Variants in MIPOL1 observed in about 807,000 individuals in gnomAD.
The protein encoded by MIPOL1 is mirror-image polydactyly 1.
In MIPOL1, 57 loss-of-function variants were observed where a neutral mutation model predicts 60.9. The ratio of observed to expected loss-of-function variants is 0.94; its 90% CI spans 0.76 to 1.17. The LOEUF (loss-of-function observed/expected upper bound fraction) is 1.17, where lower values mean the gene tolerates loss of function less well. MIPOL1 is among the 50% of genes most tolerant of loss of function. The probability of loss-of-function intolerance (pLI) is 0.00; values close to 1 mark genes in which losing one functional copy is unlikely to be tolerated. For synonymous variants in MIPOL1, 179 were observed against 168.8 expected (o/e 1.06, Z -0.47); for missense variants, 551 against 511.6 (o/e 1.08, Z -0.74).
At chr14:37,474,016 A>G (rs1025453210) in intron 11 of MIPOL1, among the ~76,000 whole-genome samples, 1 of 152,164 alleles carries the variant, frequency 6.6e-6, no homozygotes, top group Non-Finnish European at 1.5e-5. Context: ...TTGGAATCAC[A>G]CAGTATGTAG....
At position 37,500,021 on chromosome 14, in the gene MIPOL1, A is replaced by C; in HGVS notation, c.1145A>C (p.Gln382Pro). 6.2e-7 allele frequency: 1 copy of C among 1,614,016 alleles called. No individual in the cohort carries two copies. Among genetic ancestry groups the C allele is most frequent in the Non-Finnish European group, 8.5e-7 (1 of 1,179,892 alleles). Reference protein sequence around the residue: ...NRENIVSITQQQNEELATQLQ... With the variant: ...NRENIVSITQPQNEELATQLQ... ...GAGAACATTGTTTCCATCACTCAAC[A>C]ACAAAATGAGGAACTGGCTACTCAA... The change falls in exon 12 of 13, where the codon CAA becomes CCA. Residue 382 changes from glutamine to proline, a missense_variant. By Grantham distance (76) the Gln-to-Pro change is moderately conservative (BLOSUM62 -1). Coordinates refer to ENST00000684589, the MANE Select transcript of MIPOL1 (RefSeq NM_001388067.1).
intron 1 of MIPOL1, among the ~76,000 whole-genome samples, chr14:37,214,157 TAGAC>T (rs1277356783): frequency 6.6e-6 from 1 of 152,172 alleles, no homozygotes. Context: ...CTTGTAATAG[TAGAC>T]AGAAAACCAC....
intron 7 of MIPOL1, among the ~76,000 whole-genome samples, chr14:37,306,835 A>C (rs1225232334): frequency 2.6e-5 from 4 of 151,826 alleles, no homozygotes; most frequent in African/African-American, 9.7e-5. Flanking sequence ...TATTTTGAAG[A>C]AAAAAAGATA....
chr14:37,538,299 C>G (rs1358302788), intron 12 of MIPOL1, among the ~76,000 whole-genome samples: 2 of 152,162 alleles, frequency 1.3e-5, no homozygotes, highest in East Asian at 3.9e-4. Flanking sequence ...AATGATTGCA[C>G]AGTTCTGAGA....
intron 11 of MIPOL1, among the ~76,000 whole-genome samples, chr14:37,470,776 A>C (rs1425959512): frequency 1.3e-5 from 2 of 152,162 alleles, no homozygotes; most frequent in Admixed American, 6.5e-5. Context: ...GAAGCCCCCA[A>C]AGAAGACTGA....
At position 37,548,951 on chromosome 14, in the gene MIPOL1, A is replaced by G. The variant is rs1282948521; in HGVS notation, c.*1980A>G. The G allele has an allele frequency of 2.0e-5, 3 of 152,020 alleles. No individual in the cohort carries two copies. The highest frequency in any genetic ancestry group is 2.9e-5 in the Non-Finnish European group (2 of 67,848). 9.4% of individuals were successfully genotyped at this position (152,020 alleles called of 1,614,324 possible). On this transcript the variant is annotated 3_prime_UTR_variant, in exon 13 of 13. Coordinates refer to ENST00000684589, the MANE Select transcript of MIPOL1 (RefSeq NM_001388067.1). ...ATTCTAACATCCACTATTGTTCAGT[A>G]TAGGTAATCTCCCAAAAATATCACA...
chr14:37,541,879 C>A (rs933476043), intron 12 of MIPOL1, among the ~76,000 whole-genome samples: 3 of 152,208 alleles, frequency 2.0e-5, no homozygotes, highest in Admixed American at 6.5e-5. Flanking sequence ...TTTCCTTCCT[C>A]CCTTATACCT....
chr14:37,432,972 G>C (rs1396981237), intron 11 of MIPOL1, among the ~76,000 whole-genome samples: 1 of 152,192 alleles, frequency 6.6e-6, no homozygotes, highest in African/African-American at 2.4e-5. Context: ...TAAGAAGTTG[G>C]CTCAAACAAT....
intron 12 of MIPOL1, among the ~76,000 whole-genome samples, chr14:37,530,975 G>A (rs527871576): frequency 1.3e-5 from 2 of 151,882 alleles, no homozygotes; most frequent in South Asian, 2.1e-4. Context: ...CCGCCCCCAC[G>A]CCTGGCTAAT....
At chr14:37,361,721 C>A (rs904736585) in intron 9 of MIPOL1, among the ~76,000 whole-genome samples, 1 of 149,340 alleles carries the variant, frequency 6.7e-6, no homozygotes, top group African/African-American at 2.5e-5. Context: ...CATTCTCCTG[C>A]CTCAGCCTCT....
rs867971627 is a variant in MIPOL1, at chr14:37,210,726, C to G, written c.-199+12622C>G. Among the ~76,000 whole-genome samples, 4 of 152,126 alleles carry G rather than the reference C, an allele frequency of 2.6e-5. No homozygotes were observed. In the South Asian group the frequency reaches 8.3e-4, roughly 32 times the overall value. On this transcript the variant is annotated intron_variant, in intron 1 of 12. Transcript: ENST00000684589. The stretch of plus-strand genomic sequence containing the variant: ...TCTAAAGGAGCAATAGGGAAAGTCA[C>G]AAACCTTGTGACCTCTGGCCACATG...
chr14:37,246,431 A>C (rs985818875), intron 1 of MIPOL1, among the ~76,000 whole-genome samples: 1 of 152,140 alleles, frequency 6.6e-6, no homozygotes, highest in Non-Finnish European at 1.5e-5. Flanking sequence ...AAGTCATGGA[A>C]TCAAATTGGT....
intron 11 of MIPOL1, among the ~76,000 whole-genome samples, chr14:37,494,420 A>G (rs2095088369): frequency 6.6e-6 from 1 of 152,176 alleles, no homozygotes; most frequent in African/African-American, 2.4e-5. Flanking sequence ...GCTTTGTCTT[A>G]CTGGATAAGT....
chr14:37,304,128 A>G (rs932603294), intron 7 of MIPOL1, among the ~76,000 whole-genome samples: 4 of 151,850 alleles, frequency 2.6e-5, no homozygotes, highest in Non-Finnish European at 5.9e-5. Context: ...GGCATCGAGT[A>G]TACGATAAAA....
chr14:37,265,742 A>T (rs1273893675), intron 3 of MIPOL1, among the ~76,000 whole-genome samples: 1 of 152,120 alleles, frequency 6.6e-6, no homozygotes, highest in East Asian at 1.9e-4. Context: ...CTGAGGTGGG[A>T]GGATTGCTTA....
At chr14:37,521,973 T>A (rs1158895288) in intron 12 of MIPOL1, among the ~76,000 whole-genome samples, 3 of 150,556 alleles carry the variant, frequency 2.0e-5, no homozygotes, top group African/African-American at 7.3e-5. Context: ...TTTGGCTACA[T>A]GATCTTTACA....
Position 37,426,625 on chromosome 14 carries a change from T to G in MIPOL1, c.1031+3676T>G, listed in dbSNP as rs2093971730. ...CACACATACATATATAATATGTATA[T>G]ATGTATATATATATATTATATATGT... On this transcript the variant is annotated intron_variant, in intron 11 of 12. Coordinates refer to ENST00000684589, the MANE Select transcript of MIPOL1 (RefSeq NM_001388067.1). 7.7e-5 allele frequency among the ~76,000 whole-genome samples: 10 copies of G among 129,726 alleles called. No homozygotes were observed. The South Asian group carries it at 2.3e-3, about 30-fold the overall frequency. The allele number at this position is 129,726 out of a possible 152,430, so 85.1% of individuals were successfully genotyped here. A position where few individuals can be genotyped will look rare whatever the true frequency, so the allele number is the denominator to read the frequency against.
chr14:37,245,023 TAA>T (rs983359388), intron 1 of MIPOL1, among the ~76,000 whole-genome samples: 4 of 152,130 alleles, frequency 2.6e-5, no homozygotes, highest in African/African-American at 9.6e-5. Flanking sequence ...TCCAAATTCA[TAA>T]AGAGTTGGAA....
chr14:37,388,513 A>G (rs1425142653), intron 10 of MIPOL1, among the ~76,000 whole-genome samples: 1 of 148,892 alleles, frequency 6.7e-6, no homozygotes, highest in Non-Finnish European at 1.5e-5. Context: ...ACTTTTTTCA[A>G]TCAATTTTGT....
Sources: allele counts gnomAD v4.1 joint callset (sites outside exome capture counted in the v4.1 genomes callset), GRCh38; gene constraint gnomAD v4.1.1; transcripts MANE v1.5; gene names NCBI Gene and HGNC (gene_info 2026-07-23, HGNC 2026-07-21).